Variants in CIC observed in about 807,000 individuals in gnomAD.
CIC encodes capicua transcriptional repressor.
CIC carries 18 observed loss-of-function variants against 115.7 expected under a neutral mutation model. That is an observed-to-expected ratio of 0.16 (90% CI 0.11 to 0.23). The LOEUF (loss-of-function observed/expected upper bound fraction) is 0.23. Ranked by LOEUF, CIC falls within the 10% of genes least tolerant of loss-of-function variation. The pLI is 1.00. For missense variants in CIC, 2,000 were observed against 2,159.3 expected (o/e 0.93, Z 1.46); for synonymous variants, 1,076 against 923.0 (o/e 1.17, Z -3.01).
chr19:42,268,837 A>C (rs1399062837), upstream of CIC, among the ~76,000 whole-genome samples: 1 of 152,332 alleles, frequency 6.6e-6, no homozygotes, highest in East Asian at 1.9e-4. Context: ...ACCTCCGTTC[A>C]TTGGACAACC....
chr19:42,286,793 C>T lies in CIC; in HGVS notation c.2817C>T (p.Arg939=). ...PGTVWTNVEP[R]SVAVFPWHSL... is the part of the protein sequence containing the mutation. The stretch of plus-strand genomic sequence containing the variant: ...CAGTGTGGACGAATGTGGAACCTCG[C>T]TCTGTGGCTGTGTTCCCTTGGCACT... The change falls in exon 3 of 21, where the codon CGC becomes CGT. Residue 939 remains arginine, a synonymous_variant. Coordinates refer to ENST00000681038, the MANE Select transcript of CIC (RefSeq NM_001386298.1). 1 of 1,614,050 alleles carries T rather than the reference C, an allele frequency of 6.2e-7. No individual in the cohort carries two copies. Among genetic ancestry groups the T allele is most frequent in the African/African-American group, 1.3e-5 (1 of 75,010 alleles).
intron 15 of CIC, 41 bp from the exon 16 acceptor site, chr19:42,292,915 C>G (rs755423035): frequency 1.2e-6 from 2 of 1,613,858 alleles, no homozygotes; most frequent in African/African-American, 2.7e-5. Context: ...GGGATGGGCT[C>G]CAGTCAGGCC....
chr19:42,284,959 G>A (rs1469416508), intron 2 of CIC, among the ~76,000 whole-genome samples: 1 of 152,190 alleles, frequency 6.6e-6, no homozygotes, highest in Non-Finnish European at 1.5e-5. Context: ...GCGGAGTGGG[G>A]CGTATCTGGG....
At position 42,295,213 on chromosome 19, in the gene CIC, G is replaced by A. The variant is rs761928807; in HGVS notation, c.*22G>A. 2 of 1,505,210 alleles carry A rather than the reference G, an allele frequency of 1.3e-6. No homozygotes were observed. Among genetic ancestry groups the A allele is most frequent in the South Asian group, 1.2e-5 (1 of 83,246 alleles). 93.2% of individuals were successfully genotyped at this position (1,505,210 alleles called of 1,614,324 possible). A position where few individuals can be genotyped will look rare whatever the true frequency, so the allele number is the denominator to read the frequency against. ...GTGAGGGACCCCTGAGAAGATGCCAGGACTTATAGTACCCCCTCAGGACAT... is the reference window on the plus strand; with the variant it reads ...GTGAGGGACCCCTGAGAAGATGCCAAGACTTATAGTACCCCCTCAGGACAT... On this transcript the variant is annotated 3_prime_UTR_variant, in exon 21 of 21. Coordinates refer to ENST00000681038, the MANE Select transcript of CIC (RefSeq NM_001386298.1).
At chr19:42,268,868 T>C (rs2036659141), upstream of CIC, among the ~76,000 whole-genome samples, 2 of 152,324 alleles carry the variant, frequency 1.3e-5, no homozygotes, top group South Asian at 2.1e-4. Flanking sequence ...CCCCTCCTCC[T>C]TTCATTTCAT....
chr19:42,271,900 G>A lies in CIC; in HGVS notation c.117G>A (p.Lys39=). 1 of 399,034 alleles carries A rather than the reference G, an allele frequency of 2.5e-6. No homozygotes were observed. Among genetic ancestry groups the A allele is most frequent in the Non-Finnish European group, 4.4e-6 (1 of 226,340 alleles). 24.7% of individuals were successfully genotyped at this position (399,034 alleles called of 1,614,324 possible). Residue 39 remains lysine, a synonymous_variant, in exon 2 of 21, where the codon AAG becomes AAA. Coordinates refer to ENST00000681038, the MANE Select transcript of CIC (RefSeq NM_001386298.1). ...GGCGAGGGGCTGGGGAGGGTGACAAGCCAGAGGAGGAGGATGACGAGGCAC... is the reference window on the plus strand; with the variant it reads ...GGCGAGGGGCTGGGGAGGGTGACAAACCAGAGGAGGAGGATGACGAGGCAC... The part of the protein sequence containing the change: ...LRRRGAGEGD[K]PEEEDDEAQQ...
chr19:42,287,511 C>T lies in CIC; in HGVS notation c.3310-34C>T, dbSNP rs1293200392. The T allele has an allele frequency of 1.1e-5, 17 of 1,612,550 alleles. No individual in the cohort carries two copies. The highest frequency in any genetic ancestry group is 3.3e-4 in the Middle Eastern group (2 of 6,062). On this transcript the variant is annotated intron_variant, in intron 5 of 20. Coordinates refer to ENST00000681038, the MANE Select transcript of CIC (RefSeq NM_001386298.1). This position sits in a 1 kb window ranked among gnomAD's most constrained non-coding sequence, Gnocchi z 8.7. ...GCCACCCACACCTGTCTGCCAGGTCCTAACTGTCCCGCTCTGGGCTGTGTT... is the reference window on the plus strand; with the variant it reads ...GCCACCCACACCTGTCTGCCAGGTCTTAACTGTCCCGCTCTGGGCTGTGTT...
At chr19:42,286,748 G>A (rs757600724) in intron 2 of CIC, 23 bp from the exon 3 acceptor site, 2 of 1,613,756 alleles carry the variant, frequency 1.2e-6, no homozygotes, top group Non-Finnish European at 1.7e-6. Flanking sequence ...CTGCTGCACA[G>A]CTCACCTGGC....
chr19:42,293,803 C>T lies in CIC; in HGVS notation c.6734C>T (p.Pro2245Leu), dbSNP rs140554618. 9 of 1,612,400 alleles carry T rather than the reference C, an allele frequency of 5.6e-6. No individual in the cohort carries two copies. Among genetic ancestry groups the T allele is most frequent in the Non-Finnish European group, 4.2e-6 (5 of 1,179,414 alleles). ...GTGKKVKVRP[P>L]PLKKTFDSVD... ...GGCAAGAAGGTGAAGGTGCGGCCCC[C>T]GCCCCTGAAGAAGACCTTTGACTCT... Residue 2245 changes from proline to leucine, a missense_variant, in exon 17 of 21, where the codon CCG (proline) becomes CTG (leucine). Coordinates refer to ENST00000681038, the MANE Select transcript of CIC (RefSeq NM_001386298.1).
In CIC at chr19:42,287,240, C is replaced by T. The variant is rs1349864904; in HGVS notation, c.3179C>T (p.Ala1060Val). 6.2e-7 allele frequency: 1 copy of T among 1,613,868 alleles called. No individual in the cohort carries two copies. The highest frequency in any genetic ancestry group is 8.5e-7 in the Non-Finnish European group (1 of 1,179,946). The part of the protein sequence containing the change: ...DSETESDHDD[A>V]FLSIMSPEIQ... ...GAGACAGAGAGTGACCATGATGATG[C>T]GTGAGTTCCCTGAGGCCTGGGACTT... Residue 1060 changes from alanine (A) to valine (V), a missense_variant and splice_region_variant, in exon 4 of 21, where the codon GCC becomes GTC. Coordinates refer to ENST00000681038, the MANE Select transcript of CIC (RefSeq NM_001386298.1). The surrounding 1 kb of genome is among the most constrained non-coding windows in gnomAD (Gnocchi z 8.7).
chr19:42,282,129 G>A (rs757135491), intron 2 of CIC, among the ~76,000 whole-genome samples: 41 of 152,094 alleles, frequency 2.7e-4, no homozygotes, highest in Non-Finnish European at 1.2e-4. Flanking sequence ...TCTGAGTCTG[G>A]GGCTGCATAG....
chr19:42,286,368 G>A (rs975197882), intron 2 of CIC, among the ~76,000 whole-genome samples: 18 of 152,104 alleles, frequency 1.2e-4, no homozygotes, highest in Non-Finnish European at 2.1e-4. Context: ...CGACTGGGCT[G>A]CTGGGAATGT....
chr19:42,272,751 G>A lies in CIC; in HGVS notation c.968G>A (p.Arg323His), dbSNP rs886934809. 1.3e-5 allele frequency: 5 copies of A among 398,768 alleles called. No individual in the cohort carries two copies. Among genetic ancestry groups the A allele is most frequent in the Admixed American group, 4.4e-5 (1 of 22,716 alleles). The allele number at this position is 398,768 out of a possible 1,614,324, so 24.7% of individuals were successfully genotyped here. Residue 323 changes from arginine to histidine, a missense_variant, in exon 2 of 21, where the codon CGT becomes CAT. Arg to His is a conservative substitution (Grantham distance 29). Transcript: ENST00000681038. ...CCGCAGCCCCCACAGCCACTGCACCGTGAGCCAGAGGAGGCTGTGTGGGTG... is the reference window on the plus strand; with the variant it reads ...CCGCAGCCCCCACAGCCACTGCACCATGAGCCAGAGGAGGCTGTGTGGGTG... ...SLPQPPQPLH[R>H]EPEEAVWVAR...
chr19:42,277,065 G>A (rs1301819015), intron 2 of CIC, among the ~76,000 whole-genome samples: 2 of 152,208 alleles, frequency 1.3e-5, no homozygotes, highest in Non-Finnish European at 2.9e-5. Flanking sequence ...GAGCAGCACT[G>A]GTGATGCACG....
chr19:42,294,780 C>T (rs753096415), intron 20 of CIC, 44 bp from the exon 21 acceptor site: 4 of 1,609,280 alleles, frequency 2.5e-6, no homozygotes, highest in African/African-American at 2.7e-5. Context: ...TGGGACTTAT[C>T]TGTACATCTC....
chr19:42,286,298 C>T lies in CIC; in HGVS notation c.2795-473C>T, dbSNP rs554468090. On this transcript the variant is annotated intron_variant, in intron 2 of 20. Coordinates refer to ENST00000681038, the MANE Select transcript of CIC (RefSeq NM_001386298.1). Reference sequence around the variant, plus strand: ...AGTTGGAGGGGAGGGGACGTGGGGCCGTATGCCTCAGGAAAGGGAAAGAGA... The same window carrying T: ...AGTTGGAGGGGAGGGGACGTGGGGCTGTATGCCTCAGGAAAGGGAAAGAGA... Among the ~76,000 whole-genome samples, 80 of 151,968 alleles carry T rather than the reference C, an allele frequency of 5.3e-4. 1 individual carries two copies. In the South Asian group the frequency reaches 0.015, roughly 28 times the overall value.
intron 7 of CIC, among the ~76,000 whole-genome samples, chr19:42,288,405 G>C (rs571398924): frequency 6.6e-6 from 1 of 152,180 alleles, no homozygotes; most frequent in Non-Finnish European, 1.5e-5. Context: ...ACTGCAGCTC[G>C]CAAACACCCC....
Position 42,293,229 on chromosome 19 carries a change from C to A in CIC, c.6470C>A (p.Pro2157Gln), listed in dbSNP as rs563001303. ...ACTCCCACGGCCCGGAGCAGCCCCCCACTGCCCCCACCTGCTGAGGAGCGG... is the reference window on the plus strand; with the variant it reads ...ACTCCCACGGCCCGGAGCAGCCCCCAACTGCCCCCACCTGCTGAGGAGCGG... The part of the protein sequence containing the change: ...TWTPTARSSP[P>Q]LPPPAEERTS... The change falls in exon 16 of 21, where the codon CCA becomes CAA. Residue 2157 changes from proline (P) to glutamine (Q), a missense_variant. Pro to Gln is a moderately conservative substitution (Grantham distance 76). This residue lies in a region of CIC where 1,466 missense variants were observed against 1,390.4 expected (regional missense o/e 1.05). Coordinates refer to ENST00000681038, the MANE Select transcript of CIC (RefSeq NM_001386298.1). 1.0e-5 allele frequency: 16 copies of A among 1,595,928 alleles called. No homozygotes were observed. The East Asian group carries it at 2.7e-4, about 27-fold the overall frequency.
At chr19:42,281,172 G>T (rs2037229150) in intron 2 of CIC, among the ~76,000 whole-genome samples, 1 of 152,160 alleles carries the variant, frequency 6.6e-6, no homozygotes, top group African/African-American at 2.4e-5. Context: ...AGCGGGTGAG[G>T]GGAGCTGGGG....
Sources: allele counts gnomAD v4.1 joint callset (sites outside exome capture counted in the v4.1 genomes callset), GRCh38; gene constraint gnomAD v4.1.1; regional missense constraint gnomAD v4.1.1; non-coding constraint Gnocchi (gnomAD v3.1); transcripts MANE v1.5; gene names NCBI Gene and HGNC (gene_info 2026-07-23, HGNC 2026-07-21).